Variants in E2F4 observed in about 807,000 individuals in gnomAD.
E2F4 encodes transcription factor E2F4.
In E2F4, 16 loss-of-function variants were observed where a neutral mutation model predicts 44.5. The ratio of observed to expected loss-of-function variants is 0.36; its 90% CI spans 0.24 to 0.55. E2F4 has a LOEUF of 0.55. Among genes scored for constraint, E2F4 ranks in the 20% least tolerant of loss-of-function variants. E2F4 has a pLI of 0.87. For missense variants in E2F4, 473 were observed against 522.1 expected, an observed-to-expected ratio of 0.91 and a Z score of 0.92; for synonymous variants, 242 against 207.2, an observed-to-expected ratio of 1.17 and a Z score of -1.44.
At chr16:67,193,327 C>T in intron 3 of E2F4, 145 bp from the exon 4 acceptor site, 7 of 1,480,514 alleles carry the variant, frequency 4.7e-6, no homozygotes, top group Non-Finnish European at 6.6e-6. Context: ...CCACTCTTAG[C>T]CTGTGATCCC....
At chr16:67,195,104 C>A in intron 6 of E2F4, 124 bp downstream of exon 6, 1 of 1,234,500 alleles carries the variant, frequency 8.1e-7, no homozygotes, top group Non-Finnish European at 1.1e-6. Context: ...GACCACCTAG[C>A]CTTCCCTTGC....
At position 67,194,910 on chromosome 16, in the gene E2F4, G is replaced by T; in HGVS notation, c.738G>T (p.Gln246His). The T allele has an allele frequency of 1.2e-6, 2 of 1,614,162 alleles. No individual in the cohort carries two copies. Among genetic ancestry groups the T allele is most frequent in the Non-Finnish European group, 1.7e-6 (2 of 1,180,028 alleles). ...AAGCCTCACGTCCAAATAGTCCTCA[G>T]CTCACTCCCACTGCTGTCCCTGGCA... Reference protein sequence around the residue: ...SQEASRPNSPQLTPTAVPGSA... With the variant: ...SQEASRPNSPHLTPTAVPGSA... Residue 246 changes from glutamine to histidine, a missense_variant, in exon 6 of 10, where the codon CAG becomes CAT. Transcript: ENST00000379378.
intron 7 of E2F4, 45 bp downstream of exon 7, chr16:67,196,051 A>G (rs778468713): frequency 3.8e-5 from 61 of 1,609,762 alleles, no homozygotes; most frequent in Non-Finnish European, 5.1e-5. Flanking sequence ...GTCTAGCCTC[A>G]GTCCAGTCCT....
rs1485275196 is a variant in E2F4 at position 67,198,671 on chromosome 16, CAG to C, written c.*551_*552del. 1 of 175,248 alleles carries C rather than the reference CAG, an allele frequency of 5.7e-6. No individual in the cohort carries two copies. Among genetic ancestry groups the C allele is most frequent in the Non-Finnish European group, 1.2e-5 (1 of 81,788 alleles). The allele number at this position is 175,248 out of a possible 1,614,324, so 10.9% of individuals were successfully genotyped here. On this transcript the variant is annotated 3_prime_UTR_variant, in exon 10 of 10. Transcript: ENST00000379378. ...GGTGGGGGCGGCTACCAAGAAGGAA[CAG>C]AGGTCTCTGGGGAGGAGTCTGGGTG... is the stretch of plus-strand genomic sequence containing the variant.
At chr16:67,192,727 A>C (rs2032906791) in intron 1 of E2F4, 34 bp from the exon 2 acceptor site, 1 of 1,577,116 alleles carries the variant, frequency 6.3e-7, no homozygotes, top group Non-Finnish European at 8.6e-7. Flanking sequence ...TACACCCCAG[A>C]GTGGGGCTGA....
At position 67,198,577 on chromosome 16, in the gene E2F4, C is replaced by T. The variant is rs540039717; in HGVS notation, c.*454C>T. On this transcript the variant is annotated 3_prime_UTR_variant, in exon 10 of 10. Transcript: ENST00000379378. ...TCCTTCGCTATCCCCCACCCCCTGA[C>T]CCTCCAGCTCCTCCTGGCCCTCTCA... 1.6e-4 allele frequency: 30 copies of T among 188,148 alleles called. No individual in the cohort carries two copies. The highest frequency in any genetic ancestry group is 6.1e-4 in the African/African-American group (26 of 42,382). 11.7% of individuals were successfully genotyped at this position (188,148 alleles called of 1,614,324 possible). A position where few individuals can be genotyped will look rare whatever the true frequency, so the allele number is the denominator to read the frequency against.
At chr16:67,193,548 G>A in intron 4 of E2F4, 33 bp downstream of exon 4, 1 of 1,613,254 alleles carries the variant, frequency 6.2e-7, no homozygotes, top group East Asian at 2.2e-5. Context: ...TAAGGGGGTG[G>A]GCTGGGCTCA....
chr16:67,198,865 G>A lies in E2F4; in HGVS notation c.*742G>A, dbSNP rs1010237133. The A allele has an allele frequency of 1.2e-5, 5 of 422,664 alleles. No individual in the cohort carries two copies. Among genetic ancestry groups the A allele is most frequent in the Middle Eastern group, 1.3e-3 (2 of 1,574 alleles). 26.2% of individuals were successfully genotyped at this position (422,664 alleles called of 1,614,324 possible). On this transcript the variant is annotated 3_prime_UTR_variant, in exon 10 of 10. Transcript: ENST00000379378. ...ATTTTTATACTTTTTGCAGCAAAAG[G>A]AAATTGTAATATTTGTACAGTGTTC...
chr16:67,193,876 A>G (rs1255711643), intron 4 of E2F4: 2 of 317,272 alleles, frequency 6.3e-6, no homozygotes, highest in Non-Finnish European at 1.2e-5. Context: ...CCCACTTCCA[A>G]CTTGTTAGTT....
chr16:67,194,633 C>A, intron 5 of E2F4, 53 bp from the exon 6 acceptor site: 3 of 1,591,028 alleles, frequency 1.9e-6, no homozygotes, highest in Non-Finnish European at 2.6e-6. Flanking sequence ...CGGGCAGGAG[C>A]CAAGCCTGCT....
At chr16:67,195,660 C>T in intron 6 of E2F4, 122 bp from the exon 7 acceptor site, 5 of 1,523,566 alleles carry the variant, frequency 3.3e-6, no homozygotes, top group Non-Finnish European at 4.4e-6. Context: ...ACTGGCAATG[C>T]CTAATTCTCC....
At position 67,198,817 on chromosome 16, in the gene E2F4, G is replaced by A. The variant is rs1250897415; in HGVS notation, c.*694G>A. ...GAGATTTAGAAAGATTTACAGTAAC[G>A]AATGGATTCCTATATAAAGATTATT... On this transcript the variant is annotated 3_prime_UTR_variant, in exon 10 of 10. Coordinates refer to ENST00000379378, the MANE Select transcript of E2F4 (RefSeq NM_001950.4). 6 of 286,570 alleles carry A rather than the reference G, an allele frequency of 2.1e-5. No individual in the cohort carries two copies. Among genetic ancestry groups the A allele is most frequent in the Admixed American group, 4.8e-5 (1 of 20,960 alleles). 17.8% of individuals were successfully genotyped at this position (286,570 alleles called of 1,614,324 possible). A position where few individuals can be genotyped will look rare whatever the true frequency, so the allele number is the denominator to read the frequency against.
At position 67,195,783 on chromosome 16, in the gene E2F4, G is replaced by A. The variant is rs999492064; in HGVS notation, c.810G>A (p.Val270=). 3.2e-5 allele frequency: 51 copies of A among 1,613,976 alleles called. No homozygotes were observed. The highest frequency in any genetic ancestry group is 4.0e-5 in the Non-Finnish European group (47 of 1,180,020). The stretch of plus-strand genomic sequence containing the variant: ...TGGGTTTGGGGGCTATCATTGTAGT[G>A]AGTGGCGGCCCTGGGACTGATAGCA... ...GMAGPAAEIT[V]SGGPGTDSKD... Residue 270 remains valine (V), a splice_region_variant and synonymous_variant, in exon 7 of 10, where the codon GTG becomes GTA. Transcript: ENST00000379378.
chr16:67,195,679 G>A, intron 6 of E2F4, 103 bp from the exon 7 acceptor site: 1 of 1,556,646 alleles, frequency 6.4e-7, no homozygotes, highest in Admixed American at 1.9e-5. Flanking sequence ...CCTTGGGTCT[G>A]GGAACCAGGC....
In E2F4 at chr16:67,198,006, A is replaced by G. The variant is rs750812581; in HGVS notation, c.1127-2A>G. The G allele has an allele frequency of 1.2e-6, 2 of 1,613,960 alleles. No homozygotes were observed. Among genetic ancestry groups the G allele is most frequent in the South Asian group, 1.1e-5 (1 of 91,086 alleles). On this transcript the variant is annotated splice_acceptor_variant, in intron 9 of 9. Transcript: ENST00000379378. LOFTEE classifies it high-confidence loss of function. ...AGGGCCTGAGACTAGTGCTCTCTGCAGTGTTTGCCCCTCTGCTTCGTCTTT... is the reference window on the plus strand; with the variant it reads ...AGGGCCTGAGACTAGTGCTCTCTGCGGTGTTTGCCCCTCTGCTTCGTCTTT...
In E2F4 at chr16:67,196,056, A is replaced by G. The variant is rs778173464; in HGVS notation, c.1033+50A>G. ...GAGAGAGAGAGTCTAGCCTCAGTCC[A>G]GTCCTAGGTCAGAAAACAGAATTGG... On this transcript the variant is annotated intron_variant, in intron 7 of 9. Coordinates refer to ENST00000379378, the MANE Select transcript of E2F4 (RefSeq NM_001950.4). The G allele has an allele frequency of 9.9e-6, 16 of 1,609,226 alleles. No homozygotes were observed. In the Admixed American group the frequency reaches 1.3e-4, roughly 13 times the overall value.
At position 67,193,535 on chromosome 16, in the gene E2F4, G is replaced by C; in HGVS notation, c.451+20G>C. 6.2e-7 allele frequency: 1 copy of C among 1,614,046 alleles called. No homozygotes were observed. Among genetic ancestry groups the C allele is most frequent in the Non-Finnish European group, 8.5e-7 (1 of 1,179,954 alleles). Reference sequence around the variant, plus strand: ...TTGCTGGTGAGCAGAGCCTGGGTAGGGGTAAGGGGGTGGGCTGGGCTCAGC... The same window carrying C: ...TTGCTGGTGAGCAGAGCCTGGGTAGCGGTAAGGGGGTGGGCTGGGCTCAGC... On this transcript the variant is annotated intron_variant, in intron 4 of 9. Coordinates refer to ENST00000379378, the MANE Select transcript of E2F4 (RefSeq NM_001950.4).
In E2F4 at chr16:67,193,231, C is replaced by T. The variant is rs576101163; in HGVS notation, c.407+61C>T. The T allele has an allele frequency of 5.9e-5, 91 of 1,535,012 alleles. 1 individual carries two copies. In the Middle Eastern group the frequency reaches 1.1e-3, roughly 19 times the overall value. On this transcript the variant is annotated intron_variant, in intron 3 of 9. Transcript: ENST00000379378. ...CAAGGGGCCCTCTGGTTCAACTTGC[C>T]CTGAGTCCTGTTCCTCTTGGGAGTT...
At chr16:67,194,028 G>A (rs1055626827) in intron 4 of E2F4, 11 of 265,056 alleles carry the variant, frequency 4.2e-5, no homozygotes, top group Non-Finnish European at 7.2e-6. Flanking sequence ...GGGATTATGG[G>A]TGTGAGCCAC....
Sources: gnomAD v4.1 joint callset for allele counts on GRCh38, gnomAD v4.1.1 for gene constraint, MANE v1.5 for transcripts, NCBI Gene and HGNC (gene_info 2026-07-23, HGNC 2026-07-21) for gene names.